Variants in PI4KA observed in about 807,000 individuals in gnomAD.
PI4KA encodes the protein PI4-kinase alpha.
In PI4KA, 122 loss-of-function variants were observed where a neutral mutation model predicts 271.4. The observed-to-expected ratio is 0.45, with a 90% CI of 0.39 to 0.52. The LOEUF (loss-of-function observed/expected upper bound fraction) is 0.52. PI4KA is among the 20% of genes least tolerant of loss of function. The pLI is 0.00. For synonymous variants in PI4KA, 1,041 were observed against 1,078.8 expected (o/e 0.96, Z 0.69); for missense variants, 1,969 against 2,769.1 (o/e 0.71, Z 6.48).
intron 45 of PI4KA, among the ~76,000 whole-genome samples, chr22:20,716,140 T>C (rs1490038844): frequency 6.6e-6 from 1 of 152,054 alleles, no homozygotes; most frequent in Non-Finnish European, 1.5e-5. Flanking sequence ...AAGCTCTGCC[T>C]CCCGGGTTCA....
chr22:20,858,761 C>T lies in PI4KA; in HGVS notation c.-36G>A, dbSNP rs774018477. On this transcript the variant is annotated 5_prime_UTR_variant, in exon 1 of 55. Transcript: ENST00000255882. ...GCCGCGGCGCTGCCCGCCGGCTCCCCGCTCCTGGCCCGCGAGCGCCCGACC... is the reference window on the plus strand; with the variant it reads ...GCCGCGGCGCTGCCCGCCGGCTCCCTGCTCCTGGCCCGCGAGCGCCCGACC... The T allele has an allele frequency of 2.9e-6, 4 of 1,363,524 alleles. No homozygotes were observed. Among genetic ancestry groups the T allele is most frequent in the Non-Finnish European group, 2.8e-6 (3 of 1,055,350 alleles). The allele number at this position is 1,363,524 out of a possible 1,614,324, so 84.5% of individuals were successfully genotyped here. A position where few individuals can be genotyped will look rare whatever the true frequency, so the allele number is the denominator to read the frequency against.
intron 3 of PI4KA, among the ~76,000 whole-genome samples, chr22:20,827,825 C>T (rs912600383): frequency 1.3e-5 from 2 of 152,084 alleles, no homozygotes; most frequent in Non-Finnish European, 2.9e-5. Context: ...GATGGAGTCT[C>T]ACTCTGTCGC....
intron 2 of PI4KA, among the ~76,000 whole-genome samples, chr22:20,834,914 G>A (rs1371641848): frequency 4.6e-5 from 7 of 152,214 alleles, no homozygotes; most frequent in African/African-American, 9.6e-5. Flanking sequence ...CTGGAGCTGA[G>A]GGTCCAGCCT....
At chr22:20,782,266 T>A (rs1933856962) in intron 19 of PI4KA, among the ~76,000 whole-genome samples, 1 of 152,144 alleles carries the variant, frequency 6.6e-6, no homozygotes, top group South Asian at 2.1e-4. Context: ...GGAGAAATGA[T>A]CAGGCATGGT....
chr22:20,734,832 C>T (rs1441242984), intron 32 of PI4KA, among the ~76,000 whole-genome samples: 1 of 152,080 alleles, frequency 6.6e-6, no homozygotes. Context: ...CCGGGATGTA[C>T]CTGATGCCCT....
At chr22:20,730,714 C>T (rs1451849231) in intron 36 of PI4KA, among the ~76,000 whole-genome samples, 4 of 151,794 alleles carry the variant, frequency 2.6e-5, no homozygotes, top group East Asian at 2.0e-4. Context: ...GGACTACAGA[C>T]GCCCACCACC....
intron 23 of PI4KA, among the ~76,000 whole-genome samples, chr22:20,760,393 G>A (rs1180828731): frequency 1.3e-5 from 2 of 151,982 alleles, no homozygotes; most frequent in Non-Finnish European, 2.9e-5. Context: ...CACTAAAACT[G>A]GCCAAAAAGT....
intron 19 of PI4KA, chr22:20,786,185 G>A: frequency 6.2e-7 from 1 of 1,612,356 alleles, no homozygotes; most frequent in Non-Finnish European, 8.5e-7. Flanking sequence ...CCCGTCCCCA[G>A]GGTCTGCCTC....
intron 7 of PI4KA, among the ~76,000 whole-genome samples, chr22:20,817,227 T>C (rs1268395691): frequency 2.0e-5 from 3 of 152,182 alleles, no homozygotes; most frequent in Non-Finnish European, 4.4e-5. Context: ...TCTTGAGACA[T>C]GCTCTTTTAA....
At chr22:20,746,304 C>T (rs1043833176) in intron 29 of PI4KA, among the ~76,000 whole-genome samples, 9 of 152,066 alleles carry the variant, frequency 5.9e-5, no homozygotes, top group East Asian at 3.9e-4. Flanking sequence ...CCTCGTGATC[C>T]GCCCGCCTTG....
intron 1 of PI4KA, among the ~76,000 whole-genome samples, chr22:20,841,122 C>T (rs1408134347): frequency 6.6e-6 from 1 of 152,158 alleles, no homozygotes; most frequent in African/African-American, 2.4e-5. Flanking sequence ...TCAGGTGATA[C>T]GCCCACCTCG....
chr22:20,781,465 G>T (rs1050828165), intron 19 of PI4KA, among the ~76,000 whole-genome samples: 2 of 152,204 alleles, frequency 1.3e-5, no homozygotes, highest in Admixed American at 1.3e-4. Context: ...CCAGGCGAAG[G>T]AAGGAGACCC....
chr22:20,734,827 A>T (rs1175441159), intron 32 of PI4KA, among the ~76,000 whole-genome samples: 1 of 152,004 alleles, frequency 6.6e-6, no homozygotes, highest in Non-Finnish European at 1.5e-5. Context: ...AGCACCCGGG[A>T]TGTACCTGAT....
intron 19 of PI4KA, chr22:20,784,300 G>A: frequency 1.2e-6 from 2 of 1,610,692 alleles, no homozygotes; most frequent in Non-Finnish European, 1.7e-6. Context: ...GGGGTGTCTG[G>A]GAATACTGGA....
intron 23 of PI4KA, among the ~76,000 whole-genome samples, chr22:20,753,575 A>T: frequency 1.3e-5 from 2 of 152,192 alleles, no homozygotes; most frequent in Non-Finnish European, 2.9e-5. Context: ...TTTGAAGAAC[A>T]GTTATTTTGT....
chr22:20,751,214 C>A, intron 27 of PI4KA, 79 bp downstream of exon 27: 3 of 1,158,886 alleles, frequency 2.6e-6, no homozygotes, highest in Admixed American at 1.9e-5. Context: ...TGAGCTCATG[C>A]AGGTTGACCA....
At chr22:20,786,066 T>A (rs1345010823) in intron 19 of PI4KA, 4 of 1,614,156 alleles carry the variant, frequency 2.5e-6, no homozygotes, top group Non-Finnish European at 2.5e-6. Context: ...GTGGAGTCCC[T>A]GAAGTTGATG....
intron 8 of PI4KA, among the ~76,000 whole-genome samples, chr22:20,811,607 C>CAAAAAAAAAAAA (rs1185062165): frequency 8.9e-6 from 1 of 112,432 alleles, no homozygotes. Flanking sequence ...TGCAGAACCA[C>CAAAAAAAAAAAA]AAAAAAAAAA....
chr22:20,802,836 GTTAA>G (rs1308559423), intron 13 of PI4KA, among the ~76,000 whole-genome samples: 3 of 152,224 alleles, frequency 2.0e-5, no homozygotes, highest in Non-Finnish European at 2.9e-5. Context: ...ATTAATTAAT[GTTAA>G]TTATTGTTTC....
Sources: allele counts gnomAD v4.1 joint callset (sites outside exome capture counted in the v4.1 genomes callset), GRCh38; gene constraint gnomAD v4.1.1; transcripts MANE v1.5; gene names NCBI Gene and HGNC (gene_info 2026-07-23, HGNC 2026-07-21).